Variants in SUCLG2 observed in about 807,000 individuals in gnomAD.
SUCLG2 encodes the protein succinate--CoA ligase [GDP-forming] subunit beta, mitochondrial.
In SUCLG2, 42 loss-of-function variants were observed where a neutral mutation model predicts 47.9. That is an observed-to-expected ratio of 0.88 (90% CI 0.69 to 1.14). SUCLG2 has a LOEUF of 1.14. SUCLG2 is among the 50% of genes most tolerant of loss of function. SUCLG2 has a pLI of 0.00. For synonymous variants in SUCLG2, 195 were observed against 197.3 expected (o/e 0.99, Z 0.10); for missense variants, 571 against 525.9 (o/e 1.09, Z -0.84).
chr3:67,624,685 T>C (rs1051062538), intron 1 of SUCLG2, among the ~76,000 whole-genome samples: 13 of 152,118 alleles, frequency 8.5e-5, no homozygotes, highest in Non-Finnish European at 1.6e-4. Flanking sequence ...GGGGAGAGGG[T>C]AAATCATCCA....
chr3:67,441,057 A>G (rs1703750343), intron 9 of SUCLG2, among the ~76,000 whole-genome samples: 1 of 152,222 alleles, frequency 6.6e-6, no homozygotes, highest in Non-Finnish European at 1.5e-5. Context: ...CATAAAAAGG[A>G]TGAGTTCATG....
At chr3:67,540,907 G>A (rs564782362) in intron 2 of SUCLG2, among the ~76,000 whole-genome samples, 2 of 152,312 alleles carry the variant, frequency 1.3e-5, no homozygotes, top group Admixed American at 6.5e-5. Context: ...AGGCAAACAG[G>A]TTCTGTAGTG....
rs1462552657 is a variant in SUCLG2, at chr3:67,398,896, T to C, written c.1183+1835A>G. On this transcript the variant is annotated intron_variant, in intron 10 of 10. Transcript: ENST00000307227. The stretch of plus-strand genomic sequence containing the variant: ...GGGACATGGATGAAACTGGAAATCG[T>C]CATTCTCAGTAAACTATCGCAAGGA... 1.1e-4 allele frequency among the ~76,000 whole-genome samples: 16 copies of C among 151,756 alleles called. 1 individual carries two copies. Among genetic ancestry groups the C allele is most frequent in the Admixed American group, 1.1e-3 (16 of 15,236 alleles).
chr3:67,468,969 G>A (rs941664855), intron 9 of SUCLG2, among the ~76,000 whole-genome samples: 1 of 152,178 alleles, frequency 6.6e-6, no homozygotes, highest in African/African-American at 2.4e-5. Flanking sequence ...GTGCGTACAA[G>A]GCTCTCTGCA....
chr3:67,398,219 C>T (rs1013814266), intron 10 of SUCLG2, among the ~76,000 whole-genome samples: 2 of 150,500 alleles, frequency 1.3e-5, no homozygotes, highest in African/African-American at 4.9e-5. Flanking sequence ...AAACTACCAT[C>T]AGAGTGAACA....
intron 9 of SUCLG2, among the ~76,000 whole-genome samples, chr3:67,475,164 T>A (rs1704716634): frequency 6.6e-6 from 1 of 152,206 alleles, no homozygotes. Context: ...TCCCAAATCA[T>A]GAGTTGGCAA....
chr3:67,398,825 G>A (rs112839256), intron 10 of SUCLG2, among the ~76,000 whole-genome samples: 10,853 of 151,944 alleles, frequency 0.071, 392 homozygotes, highest in Middle Eastern at 0.14. Flanking sequence ...TATACACCAT[G>A]GAATACTATG....
rs11709409 is a variant in SUCLG2, at chr3:67,514,994, G to T, written c.660+3253C>A. 6.4e-3 allele frequency among the ~76,000 whole-genome samples: 974 copies of T among 152,226 alleles called. 6 individuals carry two copies. The highest frequency in any genetic ancestry group is 9.5e-3 in the Non-Finnish European group (643 of 68,010). On this transcript the variant is annotated intron_variant, in intron 6 of 10. Coordinates refer to ENST00000307227, the MANE Select transcript of SUCLG2 (RefSeq NM_003848.4). Reference sequence around the variant, plus strand: ...ATCCAAAGTAGATGTCCCTCACGAAGTATTGCCAGGAGGTCATGAGAAGCC... The same window carrying T: ...ATCCAAAGTAGATGTCCCTCACGAATTATTGCCAGGAGGTCATGAGAAGCC...
intron 9 of SUCLG2, among the ~76,000 whole-genome samples, chr3:67,482,525 A>G (rs780194605): frequency 1.3e-5 from 2 of 152,138 alleles, no homozygotes; most frequent in Non-Finnish European, 2.9e-5. Flanking sequence ...CCAAATATCT[A>G]TTCTTTGGAA....
In SUCLG2 at chr3:67,466,647, C is replaced by T. The variant is rs1028106689; in HGVS notation, c.1062+29151G>A. On this transcript the variant is annotated intron_variant, in intron 9 of 10. Coordinates refer to ENST00000307227, the MANE Select transcript of SUCLG2 (RefSeq NM_003848.4). ...AAGATGAGATGACACTGAAGTTTGTCGCTATCGATTTTTATATGGCAAAAC... is the reference window on the plus strand; with the variant it reads ...AAGATGAGATGACACTGAAGTTTGTTGCTATCGATTTTTATATGGCAAAAC... 5.3e-5 allele frequency among the ~76,000 whole-genome samples: 8 copies of T among 152,192 alleles called. No individual in the cohort carries two copies. The South Asian group carries it at 8.3e-4, about 16-fold the overall frequency.
At chr3:67,600,305 T>C (rs1319275174) in intron 2 of SUCLG2, among the ~76,000 whole-genome samples, 10 of 152,232 alleles carry the variant, frequency 6.6e-5, no homozygotes, top group Admixed American at 5.2e-4. Flanking sequence ...ATTTCTTTCA[T>C]GACGGCTCAA....
chr3:67,464,467 G>A (rs1704421438), intron 9 of SUCLG2, among the ~76,000 whole-genome samples: 1 of 152,162 alleles, frequency 6.6e-6, no homozygotes, highest in Non-Finnish European at 1.5e-5. Context: ...TCACTGTGCT[G>A]CTGAAAACTC....
At chr3:67,529,633 A>G (rs973082340) in intron 2 of SUCLG2, among the ~76,000 whole-genome samples, 8 of 152,256 alleles carry the variant, frequency 5.3e-5, no homozygotes, top group African/African-American at 1.9e-4. Flanking sequence ...GACAAGACAC[A>G]AAGGTCATAG....
intron 9 of SUCLG2, among the ~76,000 whole-genome samples, chr3:67,449,268 T>A (rs1703997609): frequency 6.6e-6 from 1 of 152,222 alleles, no homozygotes; most frequent in African/African-American, 2.4e-5. Flanking sequence ...GAGTGCCACA[T>A]CTTAAGCACT....
intron 9 of SUCLG2, among the ~76,000 whole-genome samples, chr3:67,477,767 A>G (rs1704805752): frequency 6.6e-6 from 1 of 152,210 alleles, no homozygotes; most frequent in South Asian, 2.1e-4. Context: ...CCATACAATT[A>G]GGAATTATCT....
Position 67,465,209 on chromosome 3 carries a change from A to G in SUCLG2, c.1062+30589T>C, listed in dbSNP as rs558011587. ...TACTCCTATCTTTGTCTAAGATTTC[A>G]TTGTTCTGGTGCTTAAAGCCTTTCA... On this transcript the variant is annotated intron_variant, in intron 9 of 10. Transcript: ENST00000307227. Among the ~76,000 whole-genome samples, 35 of 152,196 alleles carry G rather than the reference A, an allele frequency of 2.3e-4. No individual in the cohort carries two copies. The South Asian group carries it at 7.3e-3, about 32-fold the overall frequency.
chr3:67,393,800 G>A (rs568116044), intron 10 of SUCLG2, among the ~76,000 whole-genome samples: 18 of 152,200 alleles, frequency 1.2e-4, no homozygotes, highest in East Asian at 5.8e-4. Flanking sequence ...ACCTCACATG[G>A]CCGGGTACTC....
intron 9 of SUCLG2, among the ~76,000 whole-genome samples, chr3:67,425,516 G>C (rs539870308): frequency 3.7e-4 from 56 of 152,044 alleles, no homozygotes; most frequent in African/African-American, 1.3e-3. Flanking sequence ...GGGGGCCTAA[G>C]CATAAAAAAA....
At chr3:67,595,804 C>T (rs2107286848) in intron 2 of SUCLG2, among the ~76,000 whole-genome samples, 2 of 152,328 alleles carry the variant, frequency 1.3e-5, no homozygotes, top group South Asian at 4.1e-4. Flanking sequence ...CAAAACATTT[C>T]AGCCATTGTA....
Sources: allele counts gnomAD v4.1 joint callset (sites outside exome capture counted in the v4.1 genomes callset), GRCh38; gene constraint gnomAD v4.1.1; transcripts MANE v1.5; gene names NCBI Gene and HGNC (gene_info 2026-07-23, HGNC 2026-07-21).